ATP13A3: variants seen among roughly 807,000 people sequenced by gnomAD.
ATP13A3 encodes polyamine-transporting ATPase 13A3.
A neutral mutation model predicts 158.1 loss-of-function variants in ATP13A3; 59 were observed. The ratio of observed to expected loss-of-function variants is 0.37; its 90% CI spans 0.30 to 0.46. The LOEUF is 0.46. ATP13A3 is among the 20% of genes least tolerant of loss of function. The pLI is 1.00. For missense variants in ATP13A3, 1,166 were observed against 1,525.2 expected (o/e 0.76, Z 3.92); for synonymous variants, 491 against 504.3 (o/e 0.97, Z 0.35).
chr3:194,473,299 C>A (rs1056222579), intron 2 of ATP13A3, among the ~76,000 whole-genome samples: 1 of 151,886 alleles, frequency 6.6e-6, no homozygotes, highest in African/African-American at 2.4e-5. Flanking sequence ...GATAATGGGG[C>A]GGAGAGAGAC....
At chr3:194,407,962 T>C (rs1330440308) in intron 33 of ATP13A3, among the ~76,000 whole-genome samples, 1 of 152,112 alleles carries the variant, frequency 6.6e-6, no homozygotes, top group East Asian at 1.9e-4. Context: ...AAGGTGTCAT[T>C]TGTCAATCTA....
chr3:194,490,627 T>C (rs918449107), upstream of ATP13A3, among the ~76,000 whole-genome samples: 1 of 152,264 alleles, frequency 6.6e-6, no homozygotes, highest in African/African-American at 2.4e-5. The surrounding 1 kb of genome is among the most constrained non-coding windows in gnomAD (Gnocchi z 4.4). Context: ...TGTTTGTTTT[T>C]AATTTGACAT....
At position 194,402,697 on chromosome 3, in the gene ATP13A3, A is replaced by G. The variant is rs958854911; in HGVS notation, c.*3222T>C. The G allele has an allele frequency of 1.3e-5, 2 of 152,240 alleles. No individual in the cohort carries two copies. Among genetic ancestry groups the G allele is most frequent in the Non-Finnish European group, 2.9e-5 (2 of 68,040 alleles). 9.4% of individuals were successfully genotyped at this position (152,240 alleles called of 1,614,324 possible). A position where few individuals can be genotyped will look rare whatever the true frequency, so the allele number is the denominator to read the frequency against. On this transcript the variant is annotated 3_prime_UTR_variant, in exon 34 of 34. Coordinates refer to ENST00000645319, the MANE Select transcript of ATP13A3 (RefSeq NM_001367549.1). ...TGTTATTTCATTCATTAAAATTTTT[A>G]TTTTGAATAGCTTCAATCAAAAAAG...
chr3:194,439,111 C>T (rs1717867838), intron 16 of ATP13A3, 139 bp from the exon 17 acceptor site: 2 of 545,478 alleles, frequency 3.7e-6, no homozygotes, highest in Non-Finnish European at 6.3e-6. Context: ...GTCCAAGGAA[C>T]AAATGAGCAC....
At chr3:194,481,529 T>G (rs1308744381) in intron 2 of ATP13A3, among the ~76,000 whole-genome samples, 2 of 152,168 alleles carry the variant, frequency 1.3e-5, no homozygotes, top group Non-Finnish European at 2.9e-5. Flanking sequence ...TTCACTTTCC[T>G]CTTCTCTAAA....
chr3:194,402,934 T>C lies in ATP13A3; in HGVS notation c.*2985A>G, dbSNP rs1241546276. 2 of 152,212 alleles carry C rather than the reference T, an allele frequency of 1.3e-5. No homozygotes were observed. The highest frequency in any genetic ancestry group is 2.9e-5 in the Non-Finnish European group (2 of 68,042). The allele number at this position is 152,212 out of a possible 1,614,324, so 9.4% of individuals were successfully genotyped here. A position where few individuals can be genotyped will look rare whatever the true frequency, so the allele number is the denominator to read the frequency against. ...TTTATTAATTTAATGTACACATAAT[T>C]ACCAAATTTTAATACATTAAAAATG... On this transcript the variant is annotated 3_prime_UTR_variant, in exon 34 of 34. Transcript: ENST00000645319.
intron 2 of ATP13A3, among the ~76,000 whole-genome samples, chr3:194,474,086 G>T (rs1377096297): frequency 6.6e-6 from 1 of 152,172 alleles, no homozygotes; most frequent in Non-Finnish European, 1.5e-5. Context: ...GAGTATAAAA[G>T]TTTTGTGCTT....
intron 2 of ATP13A3, among the ~76,000 whole-genome samples, chr3:194,464,429 G>C (rs1042653485): frequency 6.6e-6 from 1 of 152,182 alleles, no homozygotes; most frequent in Non-Finnish European, 1.5e-5. Flanking sequence ...AATGGTCCTA[G>C]AGCATATTAC....
intron 2 of ATP13A3, among the ~76,000 whole-genome samples, chr3:194,493,149 A>T (rs1721165026): frequency 6.6e-6 from 1 of 150,980 alleles, no homozygotes; most frequent in South Asian, 2.1e-4. Flanking sequence ...AAAAAAAAAA[A>T]AAATCCCCCA....
chr3:194,432,719 CAA>C (rs1560084526), intron 21 of ATP13A3, among the ~76,000 whole-genome samples: 1 of 151,922 alleles, frequency 6.6e-6, no homozygotes, highest in Non-Finnish European at 1.5e-5. Flanking sequence ...AGATAGATCT[CAA>C]GAGTCTAAAA....
intron 33 of ATP13A3, among the ~76,000 whole-genome samples, chr3:194,408,332 C>A (rs1409000526): frequency 2.0e-5 from 3 of 152,192 alleles, no homozygotes; most frequent in Non-Finnish European, 4.4e-5. Flanking sequence ...AAAGCTGTCA[C>A]TTTTAAGTAG....
Position 194,413,835 on chromosome 3 carries a change from A to T in ATP13A3, c.3407T>A (p.Val1136Glu). ...VASVDQVLQI[V>E]CVPYQWRVTM... ...TACACGCCACTGATATGGTACACAC[A>T]CTATCTGTAATGCAAAAACATTTTA... is the stretch of plus-strand genomic sequence containing the variant. Residue 1136 changes from valine to glutamate, a missense_variant, in exon 32 of 34, where the codon GTG becomes GAG. Val to Glu is a moderately radical substitution (Grantham distance 121). Coordinates refer to ENST00000645319, the MANE Select transcript of ATP13A3 (RefSeq NM_001367549.1). 1.9e-6 allele frequency: 3 copies of T among 1,612,138 alleles called. No individual in the cohort carries two copies. Among genetic ancestry groups the T allele is most frequent in the Non-Finnish European group, 2.5e-6 (3 of 1,178,298 alleles).
At chr3:194,489,985 C>T (rs1036824318), upstream of ATP13A3, among the ~76,000 whole-genome samples, 2 of 152,116 alleles carry the variant, frequency 1.3e-5, no homozygotes, top group African/African-American at 4.8e-5. This position sits in a 1 kb window ranked among gnomAD's most constrained non-coding sequence, Gnocchi z 4.1. Context: ...CACTGCTTCC[C>T]CCCTCTGATC....
At chr3:194,450,358 T>A in intron 10 of ATP13A3, 82 bp from the exon 11 acceptor site, 1 of 1,346,750 alleles carries the variant, frequency 7.4e-7, no homozygotes, top group Non-Finnish European at 1.0e-6. Context: ...TCAGAAGTCA[T>A]CTGATCTCAA....
chr3:194,408,329 T>A (rs953832065), intron 33 of ATP13A3, among the ~76,000 whole-genome samples: 5 of 152,200 alleles, frequency 3.3e-5, no homozygotes, highest in Non-Finnish European at 7.3e-5. Context: ...CCAAAAGCTG[T>A]CACTTTTAAG....
chr3:194,464,579 A>G (rs915242235), intron 2 of ATP13A3, among the ~76,000 whole-genome samples: 8 of 152,216 alleles, frequency 5.3e-5, no homozygotes, highest in African/African-American at 1.9e-4. Context: ...ATCGGCTATC[A>G]TCACCTGAAT....
Position 194,406,085 on chromosome 3 carries a change from A to G in ATP13A3, c.3605T>C (p.Leu1202Ser), listed in dbSNP as rs368662949. 6.2e-7 allele frequency: 1 copy of G among 1,614,048 alleles called. No individual in the cohort carries two copies. The highest frequency in any genetic ancestry group is 8.5e-7 in the Non-Finnish European group (1 of 1,180,024). ...ESVDRWGKCC[L>S]PWALGCRKKT... ...CTTTCTACAGCCCAGGGCCCAGGGT[A>G]AGCAGCATTTTCCCCACCGATCCAC... is the stretch of plus-strand genomic sequence containing the variant. The change falls in exon 34 of 34, where the codon TTA (leucine) becomes TCA (serine). Residue 1202 changes from leucine to serine, a missense_variant. Physicochemically the swap from Leu to Ser is moderately radical, Grantham distance 145 (BLOSUM62 -2). Around this residue, in one of 3 missense-constraint regions of ATP13A3, gnomAD observed 997 missense variants for 1,341.2 expected, o/e 0.74. Coordinates refer to ENST00000645319, the MANE Select transcript of ATP13A3 (RefSeq NM_001367549.1).
chr3:194,465,444 A>G (rs768545385), intron 2 of ATP13A3, among the ~76,000 whole-genome samples: 41 of 152,222 alleles, frequency 2.7e-4, no homozygotes, highest in Non-Finnish European at 1.3e-4. Flanking sequence ...GGCCAGGGAA[A>G]GAACCACCCA....
chr3:194,494,157 G>A lies in ATP13A3; in HGVS notation n.639C>T, dbSNP rs955403657. ...TGATTCACCAGAATGAGTTCATCTC[G>A]CATCAAAACTCTGGATTATCTGTTT... On this transcript the variant is annotated non_coding_transcript_exon_variant, in exon 2 of 33. Transcript: ENST00000687055. The surrounding 1 kb of genome is among the most constrained non-coding windows in gnomAD (Gnocchi z 4.2). 3.0e-5 allele frequency: 12 copies of A among 398,368 alleles called. No homozygotes were observed. The highest frequency in any genetic ancestry group is 4.4e-5 in the Admixed American group (1 of 22,714). The allele number at this position is 398,368 out of a possible 1,614,324, so 24.7% of individuals were successfully genotyped here.
Sources: gnomAD v4.1 joint callset for allele counts (sites outside exome capture counted in the v4.1 genomes callset) on GRCh38, gnomAD v4.1.1 for gene constraint, gnomAD v4.1.1 regional missense constraint, Gnocchi (gnomAD v3.1) non-coding constraint, MANE v1.5 for transcripts, NCBI Gene and HGNC (gene_info 2026-07-23, HGNC 2026-07-21) for gene names.